PRSS36: variants seen among roughly 807,000 people sequenced by gnomAD.
PRSS36 encodes serine protease 36.
In PRSS36, 90 loss-of-function variants were observed where a neutral mutation model predicts 94.3. That is an observed-to-expected ratio of 0.95 (90% CI 0.80 to 1.14). PRSS36 has a LOEUF of 1.14. PRSS36 is among the 50% of genes most tolerant of loss of function. PRSS36 has a pLI of 0.00. For synonymous variants in PRSS36, 500 were observed against 489.6 expected (o/e 1.02, Z -0.28); for missense variants, 1,158 against 1,135.0 (o/e 1.02, Z -0.29).
intron 5 of PRSS36, among the ~76,000 whole-genome samples, chr16:31,147,066 A>G (rs773969102): frequency 6.6e-6 from 1 of 152,032 alleles, no homozygotes; most frequent in Non-Finnish European, 1.5e-5. Flanking sequence ...CTCACCAGGG[A>G]AGTTGGGGAT....
rs1480683016 is a variant in PRSS36 at position 31,143,013 on chromosome 16, G to A, written c.1101-20C>T. The A allele has an allele frequency of 1.5e-6, 2 of 1,374,144 alleles. No homozygotes were observed. The highest frequency in any genetic ancestry group is 1.9e-6 in the Non-Finnish European group (2 of 1,068,128). 85.1% of individuals were successfully genotyped at this position (1,374,144 alleles called of 1,614,324 possible). On this transcript the variant is annotated intron_variant, in intron 8 of 14. Transcript: ENST00000268281. Reference sequence around the variant, plus strand: ...TTCGGGCTGCGGGATGGGGGCCGAGGGACGTGGGCCGGATCCCGCACACGT... The same window carrying A: ...TTCGGGCTGCGGGATGGGGGCCGAGAGACGTGGGCCGGATCCCGCACACGT...
At chr16:31,149,317 T>C (rs1191448340) in intron 3 of PRSS36, 82 bp from the exon 4 acceptor site, 3 of 1,508,502 alleles carry the variant, frequency 2.0e-6, no homozygotes, top group Admixed American at 4.2e-5. Flanking sequence ...CGAAGGCCCG[T>C]CCTCCACCCA....
intron 1 of PRSS36, 89 bp from the exon 2 acceptor site, chr16:31,149,820 C>T (rs552436417): frequency 3.9e-5 from 62 of 1,593,796 alleles, no homozygotes; most frequent in Non-Finnish European, 4.8e-5. Flanking sequence ...TCCTAGCCTC[C>T]GTCTCCCCAG....
intron 10 of PRSS36, among the ~76,000 whole-genome samples, 199 bp downstream of exon 10, chr16:31,142,282 G>C (rs1308509458): frequency 7.0e-6 from 1 of 142,630 alleles, no homozygotes; most frequent in Non-Finnish European, 1.5e-5. Context: ...TCCCAGTTCC[G>C]CAAGCCCCGC....
chr16:31,142,411 C>T, intron 10 of PRSS36, 70 bp downstream of exon 10: 3 of 1,393,478 alleles, frequency 2.2e-6, no homozygotes, highest in Non-Finnish European at 1.9e-6. Context: ...GACTCGCCTT[C>T]CACAGGCCCC....
In PRSS36 at chr16:31,142,572, C is replaced by G. The variant is rs1344013081; in HGVS notation, c.1430G>C (p.Gly477Ala). The G allele has an allele frequency of 6.6e-7, 1 of 1,525,700 alleles. No individual in the cohort carries two copies. Among genetic ancestry groups the G allele is most frequent in the Admixed American group, 2.0e-5 (1 of 50,158 alleles). 94.5% of individuals were successfully genotyped at this position (1,525,700 alleles called of 1,614,324 possible). A position where few individuals can be genotyped will look rare whatever the true frequency, so the allele number is the denominator to read the frequency against. The change falls in exon 10 of 15, where the codon GGC (glycine) becomes GCC (alanine). Residue 477 changes from glycine (G) to alanine (A), a missense_variant. Transcript: ENST00000268281. ...LGGWWCHCLY[G>A]RQGAAVPLPG... ...CAGCGGTACTGCCGCCCCCTGGCGG[C>G]CGTACAGGCAGTGGCACCACCAGCC...
Position 31,143,693 on chromosome 16 carries a change from G to A in PRSS36, c.865C>T (p.Gln289Ter), listed in dbSNP as rs1475224301. The A allele has an allele frequency of 6.2e-7, 1 of 1,614,150 alleles. No individual in the cohort carries two copies. Among genetic ancestry groups the A allele is most frequent in the South Asian group, 1.1e-5 (1 of 91,086 alleles). ...VATYEAWIRE[Q>*]VMGSEPGPAF... ...GGCCCAGGCTCTGAACCCATCACCT[G>A]CTCCCGTATCCATGCCTCATAGGTA... The change falls in exon 7 of 15, where the codon CAG becomes TAG. Residue 289 changes from glutamine to a stop codon, truncating the protein, a stop_gained. Transcript: ENST00000268281. LOFTEE classifies it high-confidence loss of function.
intron 3 of PRSS36, 28 bp from the exon 4 acceptor site, chr16:31,149,263 GC>G: frequency 6.5e-7 from 1 of 1,533,086 alleles, no homozygotes; most frequent in Non-Finnish European, 8.8e-7. Context: ...GGAAGCCAAA[GC>G]TCCCCTCGGG....
chr16:31,142,612 C>A lies in PRSS36; in HGVS notation c.1390G>T (p.Ala464Ser), dbSNP rs1201205537. 1.6e-5 allele frequency: 24 copies of A among 1,506,702 alleles called. No individual in the cohort carries two copies. Among genetic ancestry groups the A allele is most frequent in the Non-Finnish European group, 1.9e-5 (21 of 1,132,060 alleles). 93.3% of individuals were successfully genotyped at this position (1,506,702 alleles called of 1,614,324 possible). A position where few individuals can be genotyped will look rare whatever the true frequency, so the allele number is the denominator to read the frequency against. Reference sequence around the variant, plus strand: ...CACCACCAGCCGCCTAACAGCTCCGCCTCCAGCAGCGCGCCTGGGCCAAGC... The same window carrying A: ...CACCACCAGCCGCCTAACAGCTCCGACTCCAGCAGCGCGCCTGGGCCAAGC... ...PALGPGALLE[A>S]ELLGGWWCHC... The change falls in exon 10 of 15, where the codon GCG (alanine) becomes TCG (serine). Residue 464 changes from alanine to serine, a missense_variant. Ala to Ser is a moderately conservative substitution (Grantham distance 99). Transcript: ENST00000268281.
intron 6 of PRSS36, among the ~76,000 whole-genome samples, chr16:31,145,545 G>A (rs540860401): frequency 3.3e-5 from 5 of 152,046 alleles, no homozygotes; most frequent in Non-Finnish European, 5.9e-5. Flanking sequence ...CACAAGAGTC[G>A]CTTGAGCGGT....
intron 2 of PRSS36, 70 bp downstream of exon 2, chr16:31,149,626 C>T (rs2057865723): frequency 6.2e-7 from 1 of 1,609,996 alleles, no homozygotes; most frequent in Non-Finnish European, 8.5e-7. Context: ...CAACCCCTGC[C>T]AGCACCCATG....
intron 6 of PRSS36, among the ~76,000 whole-genome samples, chr16:31,145,448 A>C (rs1411993830): frequency 6.6e-6 from 1 of 151,826 alleles, no homozygotes; most frequent in Non-Finnish European, 1.5e-5. Flanking sequence ...TACATAAATA[A>C]ATTCACTTGG....
chr16:31,141,940 A>G lies in PRSS36; in HGVS notation c.1542T>C (p.Leu514=), dbSNP rs751077177. ...ACCAGGTCCCCTCCTCCTGGCACAA[A>G]AGGCTCCAACGCGAGTCATTCTGCA... ...GSCWNDSRWS[L]LCQEEGTWFL... The change falls in exon 11 of 15, where the codon CTT becomes CTC. Residue 514 remains leucine, a synonymous_variant. Coordinates refer to ENST00000268281, the MANE Select transcript of PRSS36 (RefSeq NM_173502.5). 2 of 1,613,990 alleles carry G rather than the reference A, an allele frequency of 1.2e-6. No individual in the cohort carries two copies. The highest frequency in any genetic ancestry group is 4.5e-5 in the East Asian group (2 of 44,866).
In PRSS36 at chr16:31,140,622, G is replaced by A. The variant is rs756302398; in HGVS notation, c.2037C>T (p.Pro679=). The change falls in exon 13 of 15, where the codon CCC becomes CCT. Residue 679 remains proline, a synonymous_variant. Transcript: ENST00000268281. ...GGGAGCTCAGCTCCAGGAGGGCCAGGGGGGGCCTGAGTCCCAGGTGCTGGG... is the reference window on the plus strand; with the variant it reads ...GGGAGCTCAGCTCCAGGAGGGCCAGAGGGGGCCTGAGTCCCAGGTGCTGGG... ...RLPQHLGLRP[P]LALLELSSRV... 4 of 1,612,428 alleles carry A rather than the reference G, an allele frequency of 2.5e-6. No homozygotes were observed. The highest frequency in any genetic ancestry group is 3.3e-5 in the Admixed American group (2 of 59,806).
intron 6 of PRSS36, among the ~76,000 whole-genome samples, chr16:31,144,066 C>G (rs2144034227): frequency 6.6e-6 from 1 of 152,352 alleles, no homozygotes; most frequent in Admixed American, 6.5e-5. Context: ...TTCAAAGCCA[C>G]ACAAGATAAT....
chr16:31,144,714 C>T (rs979598769), intron 6 of PRSS36, among the ~76,000 whole-genome samples: 5 of 152,072 alleles, frequency 3.3e-5, no homozygotes, highest in African/African-American at 7.2e-5. Flanking sequence ...TGCTTGAACC[C>T]GAGAGGTGGA....
chr16:31,139,611 G>A (rs2057649771), intron 14 of PRSS36, among the ~76,000 whole-genome samples, 195 bp from the exon 15 acceptor site: 1 of 152,180 alleles, frequency 6.6e-6, no homozygotes, highest in African/African-American at 2.4e-5. Context: ...CAGGTGCAGT[G>A]GCTCACACCT....
rs1195180700 is a variant in PRSS36 at position 31,140,206 on chromosome 16, A to C, written c.2289+88T>G. 4.2e-6 allele frequency: 6 copies of C among 1,427,252 alleles called. No homozygotes were observed. The East Asian group carries it at 9.7e-5, about 23-fold the overall frequency. The allele number at this position is 1,427,252 out of a possible 1,614,324, so 88.4% of individuals were successfully genotyped here. A position where few individuals can be genotyped will look rare whatever the true frequency, so the allele number is the denominator to read the frequency against. On this transcript the variant is annotated intron_variant, in intron 14 of 14. Transcript: ENST00000268281. ...CTCTGTCTCAAAAAAAAAAAAAAAA[A>C]AAAATTCCAATTCTGCTATCTCTCT...
Position 31,140,584 on chromosome 16 carries a change from G to T in PRSS36, c.2075C>A (p.Ser692Tyr). 1 of 1,604,774 alleles carries T rather than the reference G, an allele frequency of 6.2e-7. No individual in the cohort carries two copies. The highest frequency in any genetic ancestry group is 8.5e-7 in the Non-Finnish European group (1 of 1,175,356). ...LLELSSRVEPSPSALPICLHP... is the reference protein window; with the variant it reads ...LLELSSRVEPYPSALPICLHP... ...GAGACAGATGGGCAGGGCTGATGGGGAGGGCTCCACCCGGGAGCTCAGCTC... is the reference window on the plus strand; with the variant it reads ...GAGACAGATGGGCAGGGCTGATGGGTAGGGCTCCACCCGGGAGCTCAGCTC... The change falls in exon 13 of 15, where the codon TCC becomes TAC. Residue 692 changes from serine (S) to tyrosine (Y), a missense_variant. Transcript: ENST00000268281.
Sources: gnomAD v4.1 joint callset for allele counts (sites outside exome capture counted in the v4.1 genomes callset) on GRCh38, gnomAD v4.1.1 for gene constraint, MANE v1.5 for transcripts, NCBI Gene and HGNC (gene_info 2026-07-23, HGNC 2026-07-21) for gene names.